The following NEB variants were observed in gnomAD, a reference collection of about 807,000 sequenced individuals.
NEB encodes the protein nebulin, also known as nemaline myopathy type 2.
In NEB, 512 loss-of-function variants were observed where a neutral mutation model predicts 952.2. The ratio of observed to expected loss-of-function variants is 0.54; its 90% CI spans 0.50 to 0.58. The LOEUF is 0.58. Among genes scored for constraint, NEB ranks in the 20% least tolerant of loss-of-function variants. The pLI is 0.00. For synonymous variants in NEB, 2,900 were observed against 3,149.8 expected, an observed-to-expected ratio of 0.92 and a Z score of 2.66; for missense variants, 8,428 against 9,231.1, an observed-to-expected ratio of 0.91 and a Z score of 3.56.
intron 17 of NEB, 69 bp from the exon 18 acceptor site, chr2:151,695,751 AT>A: frequency 9.0e-6 from 11 of 1,221,484 alleles, no homozygotes; most frequent in Non-Finnish European, 1.3e-5. Context: ...TGTGTGGTAC[AT>A]TTTGTAAAGT....
At chr2:151,574,013 G>A (rs1369887274) in intron 107 of NEB, among the ~76,000 whole-genome samples, 2 of 151,860 alleles carry the variant, frequency 1.3e-5, no homozygotes, top group African/African-American at 4.8e-5. Context: ...TCGCTCTGTC[G>A]CCCACGCTGG....
chr2:151,569,947 A>G (rs2096568482), intron 109 of NEB, 134 bp downstream of exon 109: 1 of 885,960 alleles, frequency 1.1e-6, no homozygotes, highest in African/African-American at 1.7e-5. Context: ...ATACCATACT[A>G]TAAGGTCTCA....
chr2:151,675,839 C>T (rs1410685659), intron 34 of NEB, among the ~76,000 whole-genome samples: 1 of 152,122 alleles, frequency 6.6e-6, no homozygotes. Flanking sequence ...TGAAAGCATA[C>T]AATAATTTCC....
intron 14 of NEB, 42 bp downstream of exon 14, chr2:151,697,502 G>T (rs769316500): frequency 1.9e-6 from 3 of 1,603,792 alleles, no homozygotes; most frequent in Middle Eastern, 1.7e-4. Context: ...TGAAATAATG[G>T]GTTCTTTTTT....
chr2:151,691,191 C>T (rs1024608641), intron 23 of NEB, among the ~76,000 whole-genome samples: 12 of 152,258 alleles, frequency 7.9e-5, no homozygotes, highest in Admixed American at 3.3e-4. Flanking sequence ...TTACTACTGT[C>T]TTCCTCCCCA....
chr2:151,710,722 G>A (rs1415309702), intron 10 of NEB, among the ~76,000 whole-genome samples, 184 bp from the exon 11 acceptor site: 4 of 152,132 alleles, frequency 2.6e-5, no homozygotes, highest in African/African-American at 7.2e-5. Context: ...AAAGTTGGGC[G>A]ATAGGGATAG....
chr2:151,492,194 T>C lies in NEB; in HGVS notation c.24961A>G (p.Met8321Val), dbSNP rs1241944376. The C allele has an allele frequency of 1.9e-6, 3 of 1,613,982 alleles. No homozygotes were observed. Among genetic ancestry groups the C allele is most frequent in the South Asian group, 1.1e-5 (1 of 91,080 alleles). ...TAGTTAATGTCACTGAAGTCCTGCA[T>C]GTTCTTCTTTACTCGTTCAGTGATA... ...DPITERVKKN[M>V]QDFSDINYRG... Residue 8321 changes from methionine (M) to valine (V), a missense_variant, in exon 178 of 182, where the codon ATG becomes GTG. This residue lies in a region of NEB where 3,374 missense variants were observed against 3,651.5 expected (regional missense o/e 0.92). Transcript: ENST00000397345.
intron 71 of NEB, 81 bp downstream of exon 71, chr2:151,625,453 G>A (rs1210929078): frequency 9.1e-7 from 1 of 1,098,616 alleles, no homozygotes; most frequent in Non-Finnish European, 1.3e-6. Context: ...CTTACATGAG[G>A]ATTAATTTCA....
At chr2:151,643,722 G>C (rs1574933859) in intron 57 of NEB, 96 bp downstream of exon 57, 2 of 1,532,132 alleles carry the variant, frequency 1.3e-6, no homozygotes, top group Non-Finnish European at 1.8e-6. Flanking sequence ...TTAGTCCAGG[G>C]TAATTGTGTA....
intron 12 of NEB, among the ~76,000 whole-genome samples, chr2:151,707,888 G>A (rs920501858): frequency 6.6e-5 from 10 of 152,244 alleles, no homozygotes; most frequent in African/African-American, 1.2e-4. Context: ...AGAGCATCAC[G>A]ACAGTATGCT....
intron 72 of NEB, among the ~76,000 whole-genome samples, chr2:151,620,525 T>C (rs547288176): frequency 3.3e-5 from 5 of 151,888 alleles, no homozygotes; most frequent in Non-Finnish European, 7.4e-5. Flanking sequence ...GTGCACCACA[T>C]AGAAAGAAGA....
chr2:151,546,628 G>A (rs1162927270), intron 133 of NEB, among the ~76,000 whole-genome samples, 185 bp from the exon 134 acceptor site: 1 of 142,446 alleles, frequency 7.0e-6, no homozygotes, highest in Non-Finnish European at 1.5e-5. Context: ...CCAAGATCTT[G>A]GCTGACTGCA....
intron 46 of NEB, 85 bp downstream of exon 46, chr2:151,662,050 T>G (rs2099155180): frequency 8.2e-7 from 1 of 1,219,854 alleles, no homozygotes; most frequent in Non-Finnish European, 1.1e-6. Context: ...CCTATAACTG[T>G]ATTAGCAAAA....
chr2:151,604,155 TGA>T (rs1474631171), intron 85 of NEB, among the ~76,000 whole-genome samples: 1 of 119,610 alleles, frequency 8.4e-6, no homozygotes, highest in East Asian at 2.1e-4. Flanking sequence ...GTATGCGTAA[TGA>T]GAAAAAAATA....
chr2:151,564,298 G>A (rs1451664598), intron 117 of NEB, among the ~76,000 whole-genome samples: 3 of 152,008 alleles, frequency 2.0e-5, no homozygotes, highest in Non-Finnish European at 2.9e-5. Flanking sequence ...GGGATTACAC[G>A]CACGCACCAC....
In NEB at chr2:151,695,996, C is replaced by T. The variant is rs578122962; in HGVS notation, c.1570-314G>A. On this transcript the variant is annotated intron_variant, in intron 17 of 181. Transcript: ENST00000397345. ...TCTCTCTTGTCACTGTCAGTGCTCA[C>T]GTACCAGAGCCACTTTCCTTTCATC... is the stretch of plus-strand genomic sequence containing the variant. Among the ~76,000 whole-genome samples, 307 of 152,306 alleles carry T rather than the reference C, an allele frequency of 2.0e-3. 2 individuals are homozygous for T. Among genetic ancestry groups the T allele is most frequent in the Non-Finnish European group, 2.3e-3 (155 of 68,020 alleles).
In NEB at chr2:151,618,474, A is replaced by G; in HGVS notation, c.10877T>C (p.Leu3626Ser). 1 of 1,612,808 alleles carries G rather than the reference A, an allele frequency of 6.2e-7. No individual in the cohort carries two copies. Among genetic ancestry groups the G allele is most frequent in the Non-Finnish European group, 8.5e-7 (1 of 1,179,318 alleles). Residue 3626 changes from leucine (L) to serine (S), a missense_variant, in exon 74 of 182, where the codon TTG (leucine) becomes TCG (serine). Physicochemically the swap from Leu to Ser is moderately radical, Grantham distance 145. Around this residue, in one of 11 missense-constraint regions of NEB, gnomAD observed 1,772 missense variants for 1,960.3 expected, o/e 0.90. Transcript: ENST00000397345. ...CATCCATTCAAGGTCTGACTTATACAAATTCTGCAGATCAACAGATAAGAA... is the reference window on the plus strand; with the variant it reads ...CATCCATTCAAGGTCTGACTTATACGAATTCTGCAGATCAACAGATAAGAA... ...RKAYDLQSDNLYKSDLEWMKG... is the reference protein window; with the variant it reads ...RKAYDLQSDNSYKSDLEWMKG...
intron 163 of NEB, 80 bp from the exon 164 acceptor site, chr2:151,506,338 G>T: frequency 9.4e-7 from 1 of 1,062,984 alleles, no homozygotes; most frequent in Non-Finnish European, 1.4e-6. Flanking sequence ...TAGGACACAT[G>T]GCTTTTGTGA....
intron 12 of NEB, among the ~76,000 whole-genome samples, chr2:151,707,247 C>T (rs566239476): frequency 6.6e-6 from 1 of 152,288 alleles, no homozygotes; most frequent in South Asian, 2.1e-4. Flanking sequence ...CTGTTTCTGG[C>T]TTGGGGACAG....
Sources: gnomAD v4.1 joint callset for allele counts (sites outside exome capture counted in the v4.1 genomes callset) on GRCh38, gnomAD v4.1.1 for gene constraint, gnomAD v4.1.1 regional missense constraint, MANE v1.5 for transcripts, NCBI Gene and HGNC (gene_info 2026-07-23, HGNC 2026-07-21) for gene names.